Variants in RNF180 observed in about 807,000 individuals in gnomAD.
RNF180 encodes E3 ubiquitin-protein ligase RNF180.
Under a neutral mutation model 59.2 loss-of-function variants are expected in RNF180, and 38 were observed. That is an observed-to-expected ratio of 0.64 (90% CI 0.50 to 0.84). The LOEUF is 0.84. Among genes scored for constraint, RNF180 ranks in the 40% least tolerant of loss-of-function variants. The pLI, the probability that RNF180 is intolerant of heterozygous loss-of-function variation, is 0.00. For synonymous variants in RNF180, 262 were observed against 240.3 expected (o/e 1.09, Z -0.84); for missense variants, 705 against 700.9 (o/e 1.01, Z -0.07).
chr5:64,261,212 A>C (rs1224382600), intron 5 of RNF180, among the ~76,000 whole-genome samples: 2 of 152,154 alleles, frequency 1.3e-5, no homozygotes, highest in Non-Finnish European at 2.9e-5. Flanking sequence ...GTGACTCTTC[A>C]TTTGTCAGTT....
intron 1 of RNF180, among the ~76,000 whole-genome samples, chr5:64,170,430 TGTTC>T (rs1749878891): frequency 6.6e-6 from 1 of 152,170 alleles, no homozygotes; most frequent in Admixed American, 6.5e-5. Flanking sequence ...CAAGCAGTTG[TGTTC>T]GGGGTGTTTT....
intron 7 of RNF180, among the ~76,000 whole-genome samples, chr5:64,359,332 T>A (rs1252836495): frequency 6.7e-6 from 1 of 148,524 alleles, no homozygotes. Flanking sequence ...CCATTCTAAC[T>A]GGTGTGAGAT....
intron 1 of RNF180, among the ~76,000 whole-genome samples, chr5:64,192,046 A>G (rs1031856510): frequency 6.6e-6 from 1 of 152,044 alleles, no homozygotes; most frequent in African/African-American, 2.4e-5. Context: ...TGTTGAAGAA[A>G]CTGTCCTATT....
chr5:64,325,506 A>T, intron 6 of RNF180, 95 bp downstream of exon 6: 1 of 872,694 alleles, frequency 1.1e-6, no homozygotes, highest in Non-Finnish European at 1.8e-6. Flanking sequence ...TGAAAATCAC[A>T]TATACCATAA....
At chr5:64,249,758 A>G (rs1303316970) in intron 5 of RNF180, among the ~76,000 whole-genome samples, 4 of 152,198 alleles carry the variant, frequency 2.6e-5, no homozygotes, top group African/African-American at 4.8e-5. Flanking sequence ...AAAGGGGTCA[A>G]TTTAGCAATC....
intron 5 of RNF180, among the ~76,000 whole-genome samples, chr5:64,259,500 G>A (rs1744185867): frequency 6.6e-6 from 1 of 152,138 alleles, no homozygotes; most frequent in Non-Finnish European, 1.5e-5. Flanking sequence ...ACACAGCTTA[G>A]CTCTGTATCT....
intron 5 of RNF180, among the ~76,000 whole-genome samples, chr5:64,241,799 G>A (rs755293576): frequency 3.9e-5 from 6 of 152,146 alleles, no homozygotes; most frequent in South Asian, 2.1e-4. Context: ...TTACTCCTCC[G>A]CAAACCCTAG....
chr5:64,354,791 A>G (rs982578946), intron 7 of RNF180, among the ~76,000 whole-genome samples: 3 of 151,222 alleles, frequency 2.0e-5, no homozygotes, highest in Non-Finnish European at 4.4e-5. Context: ...CATAAAAAAA[A>G]TCTATGTAAT....
intron 1 of RNF180, among the ~76,000 whole-genome samples, chr5:64,193,426 G>T (rs1216965928): frequency 6.6e-6 from 1 of 152,004 alleles, no homozygotes; most frequent in Non-Finnish European, 1.5e-5. Context: ...TTAAATATAT[G>T]CAATTTTTGT....
chr5:64,268,896 A>G (rs1429544278), intron 5 of RNF180, among the ~76,000 whole-genome samples: 1 of 152,106 alleles, frequency 6.6e-6, no homozygotes, highest in Admixed American at 6.6e-5. Flanking sequence ...CCTTCTCTGA[A>G]ACCTATATTG....
intron 2 of RNF180, among the ~76,000 whole-genome samples, chr5:64,202,529 G>C (rs1409159384): frequency 1.3e-5 from 2 of 152,112 alleles, no homozygotes; most frequent in Non-Finnish European, 2.9e-5. Context: ...GGTCATGGGG[G>C]TAGGTATAGT....
chr5:64,305,643 A>G (rs950345253), intron 5 of RNF180, among the ~76,000 whole-genome samples: 1 of 151,604 alleles, frequency 6.6e-6, no homozygotes, highest in Non-Finnish European at 1.5e-5. Context: ...ACTATGTTAC[A>G]TAAGTACCTC....
At chr5:64,268,403 A>T (rs1347184997) in intron 5 of RNF180, among the ~76,000 whole-genome samples, 2 of 152,118 alleles carry the variant, frequency 1.3e-5, no homozygotes, top group Non-Finnish European at 2.9e-5. Flanking sequence ...ATTTCATTTC[A>T]AATAAATGAA....
In RNF180 at chr5:64,369,921, AT is replaced by A; in HGVS notation, c.*109del. 1.7e-6 allele frequency: 1 copy of A among 587,714 alleles called. No homozygotes were observed. The highest frequency in any genetic ancestry group is 2.8e-6 in the Non-Finnish European group (1 of 355,686). 36.4% of individuals were successfully genotyped at this position (587,714 alleles called of 1,614,324 possible). ...GTTTTTTTAATGTTGCATTATACAAATTGTTGATGTTTATAGAAAGCCTGAG... is the reference window on the plus strand; with the variant it reads ...GTTTTTTTAATGTTGCATTATACAAATGTTGATGTTTATAGAAAGCCTGAG... On this transcript the variant is annotated 3_prime_UTR_variant, in exon 8 of 8. Transcript: ENST00000389100.
chr5:64,202,560 T>G (rs1441718858), intron 2 of RNF180, among the ~76,000 whole-genome samples: 1 of 152,188 alleles, frequency 6.6e-6, no homozygotes, highest in Non-Finnish European at 1.5e-5. Context: ...AAGAAATTGT[T>G]AGTAGTTTTT....
intron 7 of RNF180, among the ~76,000 whole-genome samples, chr5:64,360,253 C>A (rs1746196567): frequency 6.6e-6 from 1 of 151,752 alleles, no homozygotes; most frequent in South Asian, 2.1e-4. Flanking sequence ...AATATTGATT[C>A]TTCAATATAC....
intron 5 of RNF180, among the ~76,000 whole-genome samples, chr5:64,277,604 G>A (rs888893534): frequency 6.6e-6 from 1 of 152,076 alleles, no homozygotes; most frequent in African/African-American, 2.4e-5. Context: ...CAGGGGCTTG[G>A]CAAGTTGATG....
chr5:64,297,614 G>A lies in RNF180; in HGVS notation c.1228-27572G>A, dbSNP rs151218452. Among the ~76,000 whole-genome samples the A allele has an allele frequency of 9.2e-5, 14 of 151,974 alleles. No homozygotes were observed. The East Asian group carries it at 2.7e-3, about 29-fold the overall frequency. On this transcript the variant is annotated intron_variant, in intron 5 of 7. Transcript: ENST00000389100. ...GTCTCAAGTGTGTTCTTTCACCAAG[G>A]TTAGTTCACAACATGTTTAATTATC...
At chr5:64,241,719 C>T (rs1424018666) in intron 5 of RNF180, among the ~76,000 whole-genome samples, 1 of 151,972 alleles carries the variant, frequency 6.6e-6, no homozygotes. Context: ...TTGGTTGTAG[C>T]ACAATAATAA....
Sources: gnomAD v4.1 joint callset for allele counts (sites outside exome capture counted in the v4.1 genomes callset) on GRCh38, gnomAD v4.1.1 for gene constraint, MANE v1.5 for transcripts, NCBI Gene and HGNC (gene_info 2026-07-23, HGNC 2026-07-21) for gene names.